Variants in NSMCE2 observed in about 807,000 individuals in gnomAD.
The protein encoded by NSMCE2 is E3 SUMO-protein ligase NSE2.
NSMCE2 carries 24 observed loss-of-function variants against 23.8 expected under a neutral mutation model. That is an observed-to-expected ratio of 1.01 (90% CI 0.73 to 1.42). NSMCE2 has a LOEUF of 1.42. Ranked by LOEUF, NSMCE2 falls within the 40% of genes most tolerant of loss-of-function variation. The pLI is 0.00. For synonymous variants in NSMCE2, 92 were observed against 94.1 expected (o/e 0.98, Z 0.13); for missense variants, 284 against 296.5 (o/e 0.96, Z 0.31).
intron 5 of NSMCE2, among the ~76,000 whole-genome samples, chr8:125,244,900 A>G (rs1417109089): frequency 6.6e-6 from 1 of 152,236 alleles, no homozygotes; most frequent in Non-Finnish European, 1.5e-5. Flanking sequence ...TACACACTGT[A>G]CTTTGTATGC....
chr8:125,246,268 C>T (rs1422413609), intron 5 of NSMCE2, among the ~76,000 whole-genome samples: 2 of 151,432 alleles, frequency 1.3e-5, no homozygotes, highest in African/African-American at 4.9e-5. Flanking sequence ...ACTGCAACCT[C>T]CGCCTCCCAG....
chr8:125,167,633 C>CA (rs1334881348), intron 4 of NSMCE2, among the ~76,000 whole-genome samples: 12 of 146,564 alleles, frequency 8.2e-5, no homozygotes, highest in Admixed American at 4.8e-4. Flanking sequence ...GACTCAGTCT[C>CA]AAAAAAAAAA....
chr8:125,309,016 G>A (rs374058692), intron 5 of NSMCE2, among the ~76,000 whole-genome samples: 66 of 152,218 alleles, frequency 4.3e-4, no homozygotes, highest in African/African-American at 1.4e-3. Flanking sequence ...AGGCCGAGGC[G>A]GGTGGATCAC....
At chr8:125,354,549 A>C (rs1479370509) in intron 5 of NSMCE2, among the ~76,000 whole-genome samples, 1 of 152,160 alleles carries the variant, frequency 6.6e-6, no homozygotes, top group Non-Finnish European at 1.5e-5. Flanking sequence ...ACGTTTGTTT[A>C]GCTCTCTGAA....
At chr8:125,275,066 C>T (rs1827396249) in intron 5 of NSMCE2, among the ~76,000 whole-genome samples, 2 of 150,840 alleles carry the variant, frequency 1.3e-5, no homozygotes, top group Non-Finnish European at 3.0e-5. Context: ...GGCTTCAGCA[C>T]CTGACTTCTT....
At chr8:125,262,176 A>G (rs1221000935) in intron 5 of NSMCE2, among the ~76,000 whole-genome samples, 1 of 152,146 alleles carries the variant, frequency 6.6e-6, no homozygotes, top group African/African-American at 2.4e-5. Flanking sequence ...CTGTAATCCC[A>G]GCACTTTGGG....
chr8:125,162,689 C>T (rs868049520), intron 4 of NSMCE2, among the ~76,000 whole-genome samples: 3 of 152,112 alleles, frequency 2.0e-5, no homozygotes, highest in Admixed American at 2.0e-4. Context: ...TCTTACTGTT[C>T]TGTCCTGTTA....
chr8:125,279,003 T>G (rs1827587645), intron 5 of NSMCE2, among the ~76,000 whole-genome samples: 1 of 152,190 alleles, frequency 6.6e-6, no homozygotes, highest in African/African-American at 2.4e-5. Context: ...TGTGTTTGTA[T>G]AATCATTATA....
intron 5 of NSMCE2, among the ~76,000 whole-genome samples, chr8:125,301,327 C>T (rs757934863): frequency 2.6e-5 from 4 of 152,154 alleles, no homozygotes; most frequent in Admixed American, 2.0e-4. Flanking sequence ...CCGAGGTTTC[C>T]CTGGCCAAAG....
intron 4 of NSMCE2, among the ~76,000 whole-genome samples, chr8:125,164,417 A>G (rs1821771087): frequency 6.6e-6 from 1 of 152,174 alleles, no homozygotes; most frequent in South Asian, 2.1e-4. Flanking sequence ...TTTTCAGTTG[A>G]GAGTAAGAAT....
intron 4 of NSMCE2, among the ~76,000 whole-genome samples, chr8:125,152,567 C>G (rs1462197238): frequency 1.3e-5 from 2 of 152,202 alleles, no homozygotes; most frequent in Non-Finnish European, 2.9e-5. Context: ...ATGGATCAAT[C>G]TTGCTTTGAC....
chr8:125,135,934 A>G (rs1231007328), intron 3 of NSMCE2, among the ~76,000 whole-genome samples: 1 of 152,128 alleles, frequency 6.6e-6, no homozygotes, highest in Non-Finnish European at 1.5e-5. Context: ...GTCAATTTCT[A>G]CAGAGAAGTC....
chr8:125,263,785 T>A (rs899380622), intron 5 of NSMCE2, among the ~76,000 whole-genome samples: 1 of 151,592 alleles, frequency 6.6e-6, no homozygotes, highest in Non-Finnish European at 1.5e-5. Flanking sequence ...AGGCCTGATA[T>A]GACCTAGAAT....
At chr8:125,225,404 A>C (rs1052165778) in intron 5 of NSMCE2, among the ~76,000 whole-genome samples, 5 of 152,176 alleles carry the variant, frequency 3.3e-5, no homozygotes, top group African/African-American at 1.2e-4. Context: ...TGTAGTCAAC[A>C]CTGCTAAATA....
At chr8:125,123,084 G>T (rs1819346926) in intron 3 of NSMCE2, among the ~76,000 whole-genome samples, 1 of 151,856 alleles carries the variant, frequency 6.6e-6, no homozygotes, top group Admixed American at 6.6e-5. Flanking sequence ...ACCTGAAAAG[G>T]GATTATAGGG....
chr8:125,131,446 G>A (rs1306345493), intron 3 of NSMCE2, among the ~76,000 whole-genome samples: 3 of 152,134 alleles, frequency 2.0e-5, no homozygotes, highest in Non-Finnish European at 2.9e-5. Context: ...GTAGGCAAGA[G>A]CCTACAGATG....
intron 3 of NSMCE2, among the ~76,000 whole-genome samples, chr8:125,140,663 A>G (rs78197500): frequency 1.4e-3 from 213 of 152,074 alleles, no homozygotes; most frequent in African/African-American, 4.9e-3. Flanking sequence ...AAAAAAACAT[A>G]TGAGATTTAA....
chr8:125,277,331 A>G (rs953280772), intron 5 of NSMCE2, among the ~76,000 whole-genome samples: 1 of 152,142 alleles, frequency 6.6e-6, no homozygotes, highest in African/African-American at 2.4e-5. Context: ...TCTGAAGTCA[A>G]GGCCATGATA....
chr8:125,297,112 G>A (rs1277772194), intron 5 of NSMCE2, among the ~76,000 whole-genome samples: 1 of 152,088 alleles, frequency 6.6e-6, no homozygotes, highest in Non-Finnish European at 1.5e-5. Context: ...CAATGAATTC[G>A]TAACATCTCT....
Sources: allele counts gnomAD v4.1 joint callset (sites outside exome capture counted in the v4.1 genomes callset), GRCh38; gene constraint gnomAD v4.1.1; transcripts MANE v1.5; gene names NCBI Gene and HGNC (gene_info 2026-07-23, HGNC 2026-07-21).